Variants in AEBP2 observed in about 807,000 individuals in gnomAD.
The protein encoded by AEBP2 is AE binding protein 2.
In AEBP2, 10 loss-of-function variants were observed where a neutral mutation model predicts 50.8. The ratio of observed to expected loss-of-function variants is 0.20; its 90% CI spans 0.12 to 0.33. The LOEUF is 0.33. AEBP2 is among the 10% of genes least tolerant of loss of function. The pLI, the probability that AEBP2 is intolerant of heterozygous loss-of-function variation, is 1.00. For missense variants in AEBP2, 570 were observed against 688.0 expected (o/e 0.83, Z 1.92); for synonymous variants, 296 against 261.3 (o/e 1.13, Z -1.28).
chr12:19,413,874 G>GTT (rs368081126), intron 1 of AEBP2, among the ~76,000 whole-genome samples: 2 of 147,050 alleles, frequency 1.4e-5, no homozygotes, highest in East Asian at 2.0e-4. Flanking sequence ...TTTTATCAAG[G>GTT]TTTTTTTTTT....
intron 1 of AEBP2, among the ~76,000 whole-genome samples, chr12:19,422,266 A>G (rs2095746221): frequency 6.6e-6 from 1 of 152,166 alleles, no homozygotes. Context: ...ACCTACTTAT[A>G]AACACTGTAA....
At chr12:19,427,231 GC>G (rs1378383565) in intron 1 of AEBP2, among the ~76,000 whole-genome samples, 1 of 151,942 alleles carries the variant, frequency 6.6e-6, no homozygotes, top group Non-Finnish European at 1.5e-5. Flanking sequence ...ACAAAAGTTA[GC>G]CAGGTGTGTT....
chr12:19,446,290 T>C (rs560694808), intron 1 of AEBP2, among the ~76,000 whole-genome samples: 17 of 152,320 alleles, frequency 1.1e-4, no homozygotes, highest in African/African-American at 4.1e-4. Flanking sequence ...ATTCTGTTTT[T>C]TCTGTAAATT....
chr12:19,510,865 C>CT (rs58870259), intron 5 of AEBP2, among the ~76,000 whole-genome samples: 18,835 of 89,082 alleles, frequency 0.21, 2,454 homozygotes, highest in Middle Eastern at 0.42. Flanking sequence ...AAGGTAGTGA[C>CT]TTTTTTTTTT....
intron 1 of AEBP2, among the ~76,000 whole-genome samples, chr12:19,408,619 A>G (rs2095737595): frequency 6.6e-6 from 1 of 151,352 alleles, no homozygotes; most frequent in South Asian, 2.1e-4. Context: ...CAAAAATGCA[A>G]GGCCGGGCGC....
intron 3 of AEBP2, among the ~76,000 whole-genome samples, chr12:19,482,963 C>T (rs1948752440): frequency 6.6e-6 from 1 of 152,102 alleles, no homozygotes; most frequent in Non-Finnish European, 1.5e-5. Context: ...CAGACCTTGC[C>T]CCAGGCTTCC....
chr12:19,493,746 T>C lies in AEBP2; in HGVS notation c.988-54T>C, dbSNP rs1228073940. 2.0e-6 allele frequency: 3 copies of C among 1,527,114 alleles called. No individual in the cohort carries two copies. The East Asian group carries it at 6.8e-5, about 35-fold the overall frequency. The allele number at this position is 1,527,114 out of a possible 1,614,324, so 94.6% of individuals were successfully genotyped here. On this transcript the variant is annotated intron_variant, in intron 3 of 7. Transcript: ENST00000266508. Reference sequence around the variant, plus strand: ...ACTAGATATTCACTCATTGATATTCTTCTCGTGCCCTACACAGCATGCCTG... The same window carrying C: ...ACTAGATATTCACTCATTGATATTCCTCTCGTGCCCTACACAGCATGCCTG...
chr12:19,499,487 G>A (rs771182123), intron 4 of AEBP2, among the ~76,000 whole-genome samples: 11 of 151,924 alleles, frequency 7.2e-5, no homozygotes, highest in Non-Finnish European at 1.0e-4. Flanking sequence ...GGTGGTGTGC[G>A]CCTGTAGTCC....
intron 3 of AEBP2, among the ~76,000 whole-genome samples, chr12:19,488,769 T>A (rs1320457115): frequency 6.6e-6 from 1 of 152,126 alleles, no homozygotes; most frequent in Non-Finnish European, 1.5e-5. Flanking sequence ...TGTTTCAAAT[T>A]TTAGAAAAGC....
At chr12:19,510,188 G>C (rs1949213732) in intron 5 of AEBP2, among the ~76,000 whole-genome samples, 1 of 152,168 alleles carries the variant, frequency 6.6e-6, no homozygotes, top group African/African-American at 2.4e-5. Flanking sequence ...GTTTGGGTTA[G>C]TACCTAAGGT....
intron 5 of AEBP2, among the ~76,000 whole-genome samples, chr12:19,510,024 G>T (rs993590995): frequency 6.6e-6 from 1 of 151,602 alleles, no homozygotes; most frequent in African/African-American, 2.4e-5. Context: ...GTAGAGATAG[G>T]GTTTCACCAT....
chr12:19,487,737 A>G (rs1368031696), intron 3 of AEBP2, among the ~76,000 whole-genome samples: 6 of 152,078 alleles, frequency 3.9e-5, no homozygotes, highest in Non-Finnish European at 7.4e-5. Flanking sequence ...AGAAAAAAAA[A>G]GAGTGAAAAA....
At chr12:19,468,721 G>A (rs1948526088) in intron 2 of AEBP2, among the ~76,000 whole-genome samples, 1 of 152,190 alleles carries the variant, frequency 6.6e-6, no homozygotes, top group African/African-American at 2.4e-5. Flanking sequence ...AGGAGACTCA[G>A]ACTACCCTTG....
In AEBP2 at chr12:19,439,687, A is replaced by T; in HGVS notation, c.-13A>T. ...GGTGGGGAGGAGGAGGAGGAGGAGG[A>T]GCAGGCGCCGCCATGGCCGCCGCTA... On this transcript the variant is annotated 5_prime_UTR_variant, in exon 1 of 8. Transcript: ENST00000266508. 1 of 1,510,194 alleles carries T rather than the reference A, an allele frequency of 6.6e-7. No homozygotes were observed. Among genetic ancestry groups the T allele is most frequent in the South Asian group, 1.2e-5 (1 of 82,672 alleles). The allele number at this position is 1,510,194 out of a possible 1,614,324, so 93.5% of individuals were successfully genotyped here.
rs143371641 is a variant in AEBP2, at chr12:19,502,552, C to T, written c.1299+2331C>T. ...TTGAATTAGGGAGTCCTTTCCTCAC[C>T]GTTTTTATTTTTGTCAACTTTTTTG... On this transcript the variant is annotated intron_variant, in intron 5 of 7. Coordinates refer to ENST00000266508, the MANE Select transcript of AEBP2 (RefSeq NM_153207.5). Among the ~76,000 whole-genome samples, 33 of 152,042 alleles carry T rather than the reference C, an allele frequency of 2.2e-4. No homozygotes were observed. In the East Asian group the frequency reaches 3.3e-3, roughly 15 times the overall value.
intron 5 of AEBP2, among the ~76,000 whole-genome samples, chr12:19,501,797 G>GGTTTTT: frequency 2.8e-5 from 2 of 70,870 alleles, no homozygotes; most frequent in Non-Finnish European, 5.4e-5. Context: ...AAATGAGTTT[G>GGTTTTT]TTTTTTTTTT....
rs535747015 is a variant in AEBP2 at position 19,511,769 on chromosome 12, C to G, written c.1300-629C>G. Among the ~76,000 whole-genome samples, 4 of 151,984 alleles carry G rather than the reference C, an allele frequency of 2.6e-5. 1 individual carries two copies. The highest frequency in any genetic ancestry group is 9.6e-5 in the African/African-American group (4 of 41,466). The stretch of plus-strand genomic sequence containing the variant: ...AGGTGTTCACTGTAACACAAACATC[C>G]TTGGCCACAGAGCTTTTACTGAATC... On this transcript the variant is annotated intron_variant, in intron 5 of 7. Transcript: ENST00000266508.
At chr12:19,456,231 A>G (rs1269107606) in intron 1 of AEBP2, 2 of 1,489,732 alleles carry the variant, frequency 1.3e-6, no homozygotes, top group Non-Finnish European at 1.8e-6. Context: ...GGTGGCAGGT[A>G]TTAGGGATAA....
At position 19,420,328 on chromosome 12, in the gene AEBP2, A is replaced by ATTTT. The variant is rs780103252; in HGVS notation, c.-17+16132_-17+16135dup. Among the ~76,000 whole-genome samples the ATTTT allele has an allele frequency of 1.8e-3, 134 of 76,554 alleles. 2 individuals are homozygous for ATTTT. The highest frequency in any genetic ancestry group is 2.4e-3 in the East Asian group (6 of 2,456). 50.2% of individuals were successfully genotyped at this position (76,554 alleles called of 152,430 possible). A position where few individuals can be genotyped will look rare whatever the true frequency, so the allele number is the denominator to read the frequency against. ...ACAGGCATGAGCCACTGTGCTGACC[A>ATTTT]TTTTTTTTTTTTTTTTTTTTTTTGA... is the stretch of plus-strand genomic sequence containing the variant. On this transcript the variant is annotated intron_variant, in intron 1 of 3. Transcript: ENST00000538425.
Sources: allele counts gnomAD v4.1 joint callset (sites outside exome capture counted in the v4.1 genomes callset), GRCh38; gene constraint gnomAD v4.1.1; transcripts MANE v1.5; gene names NCBI Gene and HGNC (gene_info 2026-07-23, HGNC 2026-07-21).